Variants in ARID2 observed in about 807,000 individuals in gnomAD.
The protein encoded by ARID2 is AT-rich interactive domain-containing protein 2.
ARID2 carries 32 observed loss-of-function variants against 184.6 expected under a neutral mutation model. The ratio of observed to expected loss-of-function variants is 0.17; its 90% CI spans 0.13 to 0.23. The LOEUF (loss-of-function observed/expected upper bound fraction) is 0.23, where lower values mean the gene tolerates loss of function less well. Among genes scored for constraint, ARID2 ranks in the 10% least tolerant of loss-of-function variants. The pLI is 1.00. For synonymous variants in ARID2, 836 were observed against 772.6 expected (o/e 1.08, Z -1.36); for missense variants, 1,696 against 2,197.6 (o/e 0.77, Z 4.56).
At chr12:45,735,513 G>A (rs1239867338) in intron 3 of ARID2, among the ~76,000 whole-genome samples, 1 of 149,874 alleles carries the variant, frequency 6.7e-6, no homozygotes, top group East Asian at 2.0e-4. Context: ...CTGGCTTCAA[G>A]GTATCCTCCC....
Position 45,905,212 on chromosome 12 carries a change from A to G in ARID2, c.*134A>G. The G allele has an allele frequency of 1.1e-6, 1 of 888,942 alleles. No homozygotes were observed. The highest frequency in any genetic ancestry group is 1.6e-6 in the Non-Finnish European group (1 of 626,262). 55.1% of individuals were successfully genotyped at this position (888,942 alleles called of 1,614,324 possible). A position where few individuals can be genotyped will look rare whatever the true frequency, so the allele number is the denominator to read the frequency against. ...TTTTATCTCCTCCCATGATGCTGAG[A>G]GGAAGCTTCGTATTCTGATCTCTGA... On this transcript the variant is annotated 3_prime_UTR_variant, in exon 21 of 21. Coordinates refer to ENST00000334344, the MANE Select transcript of ARID2 (RefSeq NM_152641.4).
At chr12:45,898,584 T>G (rs1944400841) in intron 20 of ARID2, among the ~76,000 whole-genome samples, 1 of 152,146 alleles carries the variant, frequency 6.6e-6, no homozygotes, top group South Asian at 2.1e-4. Flanking sequence ...GTTGCACAAT[T>G]CCGTGAATAT....
At chr12:45,771,136 T>C (rs1481011142) in intron 3 of ARID2, among the ~76,000 whole-genome samples, 2 of 152,176 alleles carry the variant, frequency 1.3e-5, no homozygotes, top group Admixed American at 1.3e-4. Context: ...ATATTTCTTT[T>C]CCATTTCTTA....
chr12:45,875,404 C>G (rs1943994753), intron 16 of ARID2, among the ~76,000 whole-genome samples: 1 of 152,200 alleles, frequency 6.6e-6, no homozygotes, highest in Non-Finnish European at 1.5e-5. Context: ...TAGCATAATT[C>G]TTAAGAGTCC....
intron 16 of ARID2, among the ~76,000 whole-genome samples, chr12:45,869,963 A>G (rs542601927): frequency 9.1e-4 from 139 of 152,194 alleles, no homozygotes; most frequent in Non-Finnish European, 1.6e-3. Flanking sequence ...ATTCATCCAT[A>G]TCTTTTTTAA....
In ARID2 at chr12:45,897,764, TACTC is replaced by T. The variant is rs373280514; in HGVS notation, c.5363+4045_5363+4048del. ...GTGGCATGTACATGCAATGGAATAT[TACTC>T]AGTATTACAAAGGAAAAAACAATTT... On this transcript the variant is annotated intron_variant, in intron 20 of 20. Coordinates refer to ENST00000334344, the MANE Select transcript of ARID2 (RefSeq NM_152641.4). Among the ~76,000 whole-genome samples the T allele has an allele frequency of 2.0e-4, 30 of 152,304 alleles. No individual in the cohort carries two copies. The East Asian group carries it at 4.8e-3, about 24-fold the overall frequency.
intron 16 of ARID2, among the ~76,000 whole-genome samples, chr12:45,884,232 C>T (rs1336968055): frequency 6.6e-6 from 1 of 152,068 alleles, no homozygotes; most frequent in African/African-American, 2.4e-5. Context: ...CCCATCTCTA[C>T]TAAAAATACA....
rs749439841 is a variant in ARID2, at chr12:45,852,571, T to C, written c.4448T>C (p.Ile1483Thr). The C allele has an allele frequency of 3.1e-6, 5 of 1,614,146 alleles. No individual in the cohort carries two copies. Among genetic ancestry groups the C allele is most frequent in the Non-Finnish European group, 4.2e-6 (5 of 1,180,018 alleles). The change falls in exon 15 of 21, where the codon ATC becomes ACC. Residue 1483 changes from isoleucine to threonine, a missense_variant. By Grantham distance (89) the Ile-to-Thr change is moderately conservative (BLOSUM62 -1). Around this residue, in one of 11 missense-constraint regions of ARID2, gnomAD observed 428 missense variants for 409.1 expected, o/e 1.05. Transcript: ENST00000334344. ...STTSVIQGHQ[I>T]IAVPDSGSKV... is the part of the protein sequence containing the mutation. ...ACCTCTGTTATACAGGGACATCAAA[T>C]CATAGCAGTTCCCGACTCAGGATCA...
intron 16 of ARID2, 117 bp from the exon 17 acceptor site, chr12:45,891,663 C>T: frequency 1.8e-6 from 2 of 1,120,978 alleles, no homozygotes; most frequent in Admixed American, 2.9e-5. Context: ...AACAATTTAC[C>T]AAAAGTGTTC....
At chr12:45,783,394 T>C (rs771620461) in intron 3 of ARID2, among the ~76,000 whole-genome samples, 4 of 152,190 alleles carry the variant, frequency 2.6e-5, no homozygotes, top group Non-Finnish European at 4.4e-5. Flanking sequence ...AATTTTATGG[T>C]CATCTCAGTA....
At chr12:45,843,822 T>A (rs1267560678) in intron 11 of ARID2, among the ~76,000 whole-genome samples, 3 of 152,196 alleles carry the variant, frequency 2.0e-5, no homozygotes, top group Non-Finnish European at 2.9e-5. Context: ...CGTAACCTAG[T>A]AAAGATAGTT....
chr12:45,803,106 G>A (rs894157960), intron 3 of ARID2, among the ~76,000 whole-genome samples: 1 of 151,960 alleles, frequency 6.6e-6, no homozygotes, highest in Non-Finnish European at 1.5e-5. Context: ...TTGCTTATGA[G>A]AACATATCTT....
At chr12:45,847,010 A>G in intron 12 of ARID2, 73 bp downstream of exon 12, 1 of 1,341,810 alleles carries the variant, frequency 7.5e-7, no homozygotes, top group Non-Finnish European at 1.1e-6. Flanking sequence ...AATGTATTCT[A>G]CAGACATCCA....
intron 3 of ARID2, among the ~76,000 whole-genome samples, chr12:45,808,732 CGTGCGT>C (rs1313058975): frequency 6.8e-6 from 1 of 146,488 alleles, no homozygotes; most frequent in Non-Finnish European, 1.5e-5. Context: ...TGTGTGTTTG[CGTGCGT>C]GTGTGTGTGT....
intron 5 of ARID2, 29 bp from the exon 6 acceptor site, chr12:45,821,391 A>G: frequency 7.5e-7 from 1 of 1,324,824 alleles, no homozygotes; most frequent in Non-Finnish European, 1.0e-6. Flanking sequence ...CATTTTATTG[A>G]ATGTACTATT....
chr12:45,857,997 T>C (rs565992550), intron 15 of ARID2, among the ~76,000 whole-genome samples: 20 of 152,330 alleles, frequency 1.3e-4, no homozygotes, highest in African/African-American at 4.8e-4. Flanking sequence ...TGGGCTCAAG[T>C]GATCCTTCTG....
intron 3 of ARID2, among the ~76,000 whole-genome samples, chr12:45,742,273 T>C (rs1232265057): frequency 1.3e-5 from 2 of 152,256 alleles, no homozygotes; most frequent in African/African-American, 4.8e-5. Context: ...CTTTACCTTT[T>C]CTGTGTTTAG....
chr12:45,891,441 T>C (rs144836880), intron 16 of ARID2, among the ~76,000 whole-genome samples: 151 of 152,302 alleles, frequency 9.9e-4, no homozygotes, highest in South Asian at 2.9e-3. Context: ...CTAAAACTTA[T>C]AGAATTTGAA....
intron 16 of ARID2, among the ~76,000 whole-genome samples, chr12:45,872,243 A>G (rs1466559068): frequency 1.3e-5 from 2 of 151,774 alleles, no homozygotes; most frequent in African/African-American, 2.4e-5. Context: ...CTTCTTTTTT[A>G]GTATATAAGT....
Sources: allele counts gnomAD v4.1 joint callset (sites outside exome capture counted in the v4.1 genomes callset), GRCh38; gene constraint gnomAD v4.1.1; regional missense constraint gnomAD v4.1.1; transcripts MANE v1.5; gene names NCBI Gene and HGNC (gene_info 2026-07-23, HGNC 2026-07-21).